Variants in TENM2 observed in about 807,000 individuals in gnomAD.
TENM2 encodes teneurin transmembrane protein 2.
TENM2 carries 52 observed loss-of-function variants against 245.2 expected under a neutral mutation model. That is an observed-to-expected ratio of 0.21 (90% confidence interval 0.17 to 0.27). TENM2 has a LOEUF of 0.27. TENM2 is among the 10% of genes least tolerant of loss of function. The probability of loss-of-function intolerance (pLI) is 1.00; values close to 1 mark genes in which losing one functional copy is unlikely to be tolerated. For missense variants in TENM2, 3,046 were observed against 3,666.8 expected (o/e 0.83, Z 4.37); for synonymous variants, 1,363 against 1,438.9 (o/e 0.95, Z 1.19).
the TENM2 span, among the ~76,000 whole-genome samples, chr5:167,266,238 A>C: frequency 6.6e-6 from 1 of 152,214 alleles, no homozygotes; most frequent in Non-Finnish European, 1.5e-5. Flanking sequence ...TTTAATTGAA[A>C]TTTAATTTTT....
At chr5:168,005,087 G>A (rs2152057468) in intron 5 of TENM2, among the ~76,000 whole-genome samples, 1 of 152,208 alleles carries the variant, frequency 6.6e-6, no homozygotes, top group Middle Eastern at 3.4e-3. Context: ...CTGATTGCAT[G>A]GTGTTGTATT....
chr5:167,397,146 C>T (rs1410416265), intron 2 of TENM2, among the ~76,000 whole-genome samples: 3 of 151,916 alleles, frequency 2.0e-5, no homozygotes, highest in South Asian at 4.2e-4. Flanking sequence ...GGGACAACAT[C>T]TTATTTATGT....
chr5:168,103,963 C>G (rs534470988), intron 9 of TENM2, among the ~76,000 whole-genome samples: 62 of 152,296 alleles, frequency 4.1e-4, no homozygotes, highest in African/African-American at 1.5e-3. Flanking sequence ...CACCCCATCT[C>G]CCGGCTGTGG....
intron 14 of TENM2, among the ~76,000 whole-genome samples, chr5:168,193,336 C>T (rs1338818502): frequency 1.3e-5 from 2 of 152,134 alleles, no homozygotes; most frequent in South Asian, 2.1e-4. Context: ...TCTAAAAGGG[C>T]GTTCCCCTAG....
intron 9 of TENM2, among the ~76,000 whole-genome samples, chr5:168,110,571 G>A (rs1035845656): frequency 6.6e-6 from 1 of 152,176 alleles, no homozygotes; most frequent in African/African-American, 2.4e-5. Context: ...CATTCTGCCT[G>A]CTGAGAGACA....
chr5:168,210,868 G>T (rs1462185039), intron 19 of TENM2, among the ~76,000 whole-genome samples: 5 of 152,028 alleles, frequency 3.3e-5, no homozygotes, highest in Non-Finnish European at 1.5e-5. Context: ...TGAGACCTTG[G>T]CATCTTCTCG....
chr5:167,616,131 G>T, intron 2 of TENM2, among the ~76,000 whole-genome samples: 1 of 152,132 alleles, frequency 6.6e-6, no homozygotes, highest in Non-Finnish European at 1.5e-5. Context: ...GCTTATTGGA[G>T]ATGTTAGCAT....
the TENM2 span, among the ~76,000 whole-genome samples, chr5:167,063,915 C>T: frequency 6.6e-6 from 1 of 152,164 alleles, no homozygotes; most frequent in Non-Finnish European, 1.5e-5. Context: ...CTTTTTCTCC[C>T]TATTAAATGC....
intron 1 of TENM2, among the ~76,000 whole-genome samples, chr5:167,337,031 GGCGTGAACCCGGGAA>G (rs944807083): frequency 6.9e-6 from 1 of 144,972 alleles, no homozygotes; most frequent in African/African-American, 2.5e-5. Context: ...GCAGGAGAAT[GGCGTGAACCCGGGAA>G]GCGGAGCTTG....
At chr5:167,103,604 A>G in the TENM2 span, among the ~76,000 whole-genome samples, 2 of 152,126 alleles carry the variant, frequency 1.3e-5, no homozygotes, top group East Asian at 1.9e-4. Context: ...TGCACAGTCT[A>G]TATGTTTCTT....
intron 2 of TENM2, among the ~76,000 whole-genome samples, chr5:167,716,914 T>C (rs138724539): frequency 6.8e-5 from 8 of 117,850 alleles, no homozygotes; most frequent in East Asian, 5.7e-4. Flanking sequence ...TTATTTTATT[T>C]TATTTTATTT....
At chr5:168,170,342 A>G (rs1397819157) in intron 13 of TENM2, among the ~76,000 whole-genome samples, 2 of 152,148 alleles carry the variant, frequency 1.3e-5, no homozygotes, top group East Asian at 3.9e-4. Flanking sequence ...TGTCTCTACT[A>G]AAAATACAAA....
chr5:167,715,256 T>C (rs927426618), intron 2 of TENM2, among the ~76,000 whole-genome samples: 35 of 152,194 alleles, frequency 2.3e-4, no homozygotes, highest in African/African-American at 7.2e-4. Flanking sequence ...TTTTAAATTA[T>C]GTGTTAGGAG....
the TENM2 span, among the ~76,000 whole-genome samples, chr5:167,125,594 T>C: frequency 6.6e-6 from 1 of 152,204 alleles, no homozygotes; most frequent in East Asian, 1.9e-4. Flanking sequence ...CTTTGATTTC[T>C]CCTAAGCTGA....
chr5:167,366,057 C>T (rs1268960484), intron 1 of TENM2, among the ~76,000 whole-genome samples: 1 of 151,554 alleles, frequency 6.6e-6, no homozygotes, highest in African/African-American at 2.4e-5. Context: ...AAAACATACA[C>T]AGACAGTAGG....
intron 2 of TENM2, among the ~76,000 whole-genome samples, chr5:167,835,304 C>G (rs1280560502): frequency 6.6e-6 from 1 of 152,188 alleles, no homozygotes; most frequent in Admixed American, 6.5e-5. Flanking sequence ...TTCAGTCTTT[C>G]TGTTGAATGC....
At chr5:167,964,470 T>C (rs1781240983) in intron 4 of TENM2, among the ~76,000 whole-genome samples, 1 of 152,230 alleles carries the variant, frequency 6.6e-6, no homozygotes, top group Non-Finnish European at 1.5e-5. Context: ...TAAATGGTCA[T>C]TCATTAATTA....
chr5:167,609,488 C>CAAAAAAAAAAAAAAAAAAAA (rs5873049), intron 2 of TENM2, among the ~76,000 whole-genome samples: 3 of 36,690 alleles, frequency 8.2e-5, no homozygotes, highest in South Asian at 1.5e-3. Flanking sequence ...CCTGATGATG[C>CAAAAAAAAAAAAAAAAAAAA]AAAAAAAAAA....
At chr5:167,385,502 ATTT>A (rs151167866) in intron 2 of TENM2, among the ~76,000 whole-genome samples, 2,729 of 126,826 alleles carry the variant, frequency 0.022, 34 homozygotes, top group African/African-American at 0.041. Context: ...TTTAGGTTTA[ATTT>A]TTTTTTTTTT....
Sources: allele counts gnomAD v4.1 joint callset (sites outside exome capture counted in the v4.1 genomes callset), GRCh38; gene constraint gnomAD v4.1.1; transcripts MANE v1.5; gene names NCBI Gene and HGNC (gene_info 2026-07-23, HGNC 2026-07-21).